Variants in PAG1 observed in about 807,000 individuals in gnomAD.
PAG1 encodes phosphoprotein membrane anchor with glycosphingolipid microdomains 1, also known as phosphoprotein associated with glycosphingolipid-enriched microdomains 1.
Under a neutral mutation model 31.7 loss-of-function variants are expected in PAG1, and 23 were observed. The ratio of observed to expected loss-of-function variants is 0.73; its 90% confidence interval spans 0.52 to 1.03. The LOEUF (loss-of-function observed/expected upper bound fraction) is 1.03, where lower values mean the gene tolerates loss of function less well. PAG1 is among the 50% of genes least tolerant of loss of function. The pLI, the probability that PAG1 is intolerant of heterozygous loss-of-function variation, is 0.00. For missense variants in PAG1, 473 were observed against 540.7 expected (o/e 0.87, Z 1.24); for synonymous variants, 214 against 210.3 (o/e 1.02, Z -0.15).
chr8:81,090,967 A>G (rs976768116), intron 1 of PAG1, among the ~76,000 whole-genome samples: 1 of 152,206 alleles, frequency 6.6e-6, no homozygotes, highest in African/African-American at 2.4e-5. Context: ...AGGGTGGAAA[A>G]TATTGATAAT....
Position 80,977,330 on chromosome 8 carries a change from G to C in PAG1, c.937-424C>G, listed in dbSNP as rs534195097. Among the ~76,000 whole-genome samples, 39 of 152,328 alleles carry C rather than the reference G, an allele frequency of 2.6e-4. No homozygotes were observed. The South Asian group carries it at 6.8e-3, about 27-fold the overall frequency. On this transcript the variant is annotated intron_variant, in intron 8 of 8. Coordinates refer to ENST00000220597, the MANE Select transcript of PAG1 (RefSeq NM_018440.4). ...TAGACCGGTGATTCTCAAAGTGTGG[G>C]CTGTAAACCAGCAGCAACAGGATCT...
Position 81,008,592 on chromosome 8 carries a change from A to C in PAG1, c.-80-15285T>G, listed in dbSNP as rs529397706. ...TATATATAATATAGTAGTATATATA[A>C]TACTACTACTGTAAGAATTTAAAAG... is the stretch of plus-strand genomic sequence containing the variant. On this transcript the variant is annotated intron_variant, in intron 3 of 8. Coordinates refer to ENST00000220597, the MANE Select transcript of PAG1 (RefSeq NM_018440.4). Among the ~76,000 whole-genome samples the C allele has an allele frequency of 5.0e-4, 74 of 149,150 alleles. No homozygotes were observed. The South Asian group carries it at 0.011, about 21-fold the overall frequency.
At chr8:81,035,747 G>A (rs1332073123) in intron 2 of PAG1, among the ~76,000 whole-genome samples, 2 of 152,050 alleles carry the variant, frequency 1.3e-5, no homozygotes, top group African/African-American at 4.8e-5. Flanking sequence ...CAATTCTCCA[G>A]GTGAAGAAGC....
rs984468906 is a variant in PAG1, at chr8:80,970,083, C to T, written c.*6461G>A. The T allele has an allele frequency of 5.9e-5, 9 of 152,322 alleles. No homozygotes were observed. In the Middle Eastern group the frequency reaches 0.01, roughly 173 times the overall value. 9.4% of individuals were successfully genotyped at this position (152,322 alleles called of 1,614,324 possible). A position where few individuals can be genotyped will look rare whatever the true frequency, so the allele number is the denominator to read the frequency against. On this transcript the variant is annotated 3_prime_UTR_variant, in exon 9 of 9. Coordinates refer to ENST00000220597, the MANE Select transcript of PAG1 (RefSeq NM_018440.4). ...ATGGCTTCATGGTGAAAACATTTTA[C>T]ACTCAATTTACTTTAAAAAGGTTTT...
At chr8:81,021,485 A>G (rs1305050391) in intron 3 of PAG1, among the ~76,000 whole-genome samples, 1 of 132,754 alleles carries the variant, frequency 7.5e-6, no homozygotes, top group Non-Finnish European at 1.6e-5. Flanking sequence ...TAGTCTGCTC[A>G]TTTTTCATTA....
At position 80,990,615 on chromosome 8, in the gene PAG1, G is replaced by C. The variant is rs1807520807; in HGVS notation, c.177+864C>G. ...AAAAGCACGGGCCTGGGTCAGAGAG[G>C]ACAAGGAAGGACCTGGACACTCTCA... is the stretch of plus-strand genomic sequence containing the variant. On this transcript the variant is annotated intron_variant, in intron 5 of 8. Transcript: ENST00000220597. This position sits in a 1 kb window ranked among gnomAD's most constrained non-coding sequence, Gnocchi z 5.1. Among the ~76,000 whole-genome samples the C allele has an allele frequency of 6.6e-6, 1 of 152,148 alleles. No homozygotes were observed. The highest frequency in any genetic ancestry group is 2.4e-5 in the African/African-American group (1 of 41,436).
intron 3 of PAG1, among the ~76,000 whole-genome samples, chr8:81,026,806 G>C (rs938392913): frequency 2.0e-5 from 3 of 152,248 alleles, no homozygotes; most frequent in Admixed American, 6.5e-5. Flanking sequence ...TCCCTGGAGG[G>C]AGCAGGAGAA....
At chr8:81,078,968 C>T (rs1809220983) in intron 1 of PAG1, among the ~76,000 whole-genome samples, 1 of 152,118 alleles carries the variant, frequency 6.6e-6, no homozygotes, top group Admixed American at 6.6e-5. Context: ...TATCTTCCAT[C>T]TTGCCTGCAA....
chr8:81,042,015 CA>C (rs1343216745), intron 2 of PAG1, among the ~76,000 whole-genome samples: 1 of 152,034 alleles, frequency 6.6e-6, no homozygotes, highest in Non-Finnish European at 1.5e-5. Context: ...TCTTGTTGTT[CA>C]AATGACCACT....
intron 6 of PAG1, among the ~76,000 whole-genome samples, chr8:80,985,849 A>C (rs775771916): frequency 1.3e-5 from 2 of 152,214 alleles, no homozygotes; most frequent in Middle Eastern, 3.2e-3. Context: ...GGCAGACATA[A>C]TAGAAACTAC....
intron 1 of PAG1, among the ~76,000 whole-genome samples, chr8:81,076,903 G>A (rs140755114): frequency 2.6e-5 from 4 of 152,332 alleles, no homozygotes; most frequent in African/African-American, 7.2e-5. Flanking sequence ...AGCATGGGAA[G>A]CTGTTATGCA....
chr8:80,980,351 G>C, intron 8 of PAG1, 84 bp downstream of exon 8: 4 of 771,006 alleles, frequency 5.2e-6, no homozygotes, highest in Non-Finnish European at 4.5e-6. Context: ...TCTTTCAAAG[G>C]GTAACATTAC....
chr8:80,985,194 C>T lies in PAG1; in HGVS notation c.458G>A (p.Gly153Glu). 3.1e-6 allele frequency: 5 copies of T among 1,614,160 alleles called. No individual in the cohort carries two copies. The highest frequency in any genetic ancestry group is 4.2e-6 in the Non-Finnish European group (5 of 1,180,030). The change falls in exon 7 of 9, where the codon GGG becomes GAG. Residue 153 changes from glycine to glutamate, a missense_variant. Gly to Glu is a moderately conservative substitution (Grantham distance 98). Transcript: ENST00000220597. ...CCCTTCCATCCCCAGCCCCTGGTCC[C>T]CGTCCACACTTCTCGCCGTGAGCAT... The part of the protein sequence containing the change: ...DTMLTARSVD[G>E]DQGLGMEGPY...
intron 3 of PAG1, among the ~76,000 whole-genome samples, chr8:81,027,897 T>C (rs1586174541): frequency 9.2e-6 from 1 of 108,296 alleles, no homozygotes; most frequent in Non-Finnish European, 1.7e-5. Context: ...AGAGCAGGAC[T>C]CCGTCTCAAA....
At position 81,019,933 on chromosome 8, in the gene PAG1, T is replaced by C. The variant is rs547419755; in HGVS notation, c.-81+10063A>G. ...AGTGGGGATGTACCCTGAAAAGCCA[T>C]AGGGGTGGAGCCGCCCAAGGCCATG... On this transcript the variant is annotated intron_variant, in intron 3 of 8. Coordinates refer to ENST00000220597, the MANE Select transcript of PAG1 (RefSeq NM_018440.4). Among the ~76,000 whole-genome samples, 311 of 152,280 alleles carry C rather than the reference T, an allele frequency of 2.0e-3. 1 individual carries two copies. Among genetic ancestry groups the C allele is most frequent in the African/African-American group, 7.1e-3 (296 of 41,562 alleles).
intron 3 of PAG1, among the ~76,000 whole-genome samples, chr8:81,008,518 A>C (rs1007397165): frequency 6.7e-6 from 1 of 149,052 alleles, no homozygotes; most frequent in Non-Finnish European, 1.5e-5. Flanking sequence ...CCAAAGTATA[A>C]TACTACATAT....
chr8:80,987,248 G>T, intron 6 of PAG1, 122 bp downstream of exon 6: 4 of 669,502 alleles, frequency 6.0e-6, no homozygotes, highest in Admixed American at 2.6e-5. Flanking sequence ...TGCTAAAACT[G>T]CTAGGAATAC....
rs113548292 is a variant in PAG1, at chr8:81,006,751, G to A, written c.-80-13444C>T. On this transcript the variant is annotated intron_variant, in intron 3 of 8. Coordinates refer to ENST00000220597, the MANE Select transcript of PAG1 (RefSeq NM_018440.4). ...TTTATGAAAAGTCTTGGAGTATAAT[G>A]TGAAGAGTTTTACATTTTGAGTGTC... Among the ~76,000 whole-genome samples the A allele has an allele frequency of 3.5e-3, 537 of 152,228 alleles. 9 individuals are homozygous for A. The highest frequency in any genetic ancestry group is 0.012 in the African/African-American group (507 of 41,524).
intron 1 of PAG1, among the ~76,000 whole-genome samples, chr8:81,099,295 GTATT>G (rs1487018466): frequency 2.6e-5 from 4 of 152,194 alleles, no homozygotes; most frequent in African/African-American, 9.6e-5. Context: ...CATCTTGAGA[GTATT>G]TATCTGACTT....
Sources: allele counts gnomAD v4.1 joint callset (sites outside exome capture counted in the v4.1 genomes callset), GRCh38; gene constraint gnomAD v4.1.1; non-coding constraint Gnocchi (gnomAD v3.1); transcripts MANE v1.5; gene names NCBI Gene and HGNC (gene_info 2026-07-23, HGNC 2026-07-21).